The following AGBL2 variants were observed in gnomAD, a reference collection of about 807,000 sequenced individuals.
AGBL2 encodes AGBL carboxypeptidase 2, also known as cytosolic carboxypeptidase 2.
In AGBL2, 87 loss-of-function variants were observed where a neutral mutation model predicts 103.0. The observed-to-expected ratio is 0.84, with a 90% CI of 0.71 to 1.01. The LOEUF (loss-of-function observed/expected upper bound fraction) is 1.01. Ranked by LOEUF, AGBL2 falls within the 50% of genes least tolerant of loss-of-function variation. The pLI is 0.00. For missense variants in AGBL2, 904 were observed against 1,023.5 expected, an observed-to-expected ratio of 0.88 and a Z score of 1.59; for synonymous variants, 335 against 356.7, an observed-to-expected ratio of 0.94 and a Z score of 0.69.
chr11:47,708,269 A>C (rs11819816), intron 4 of AGBL2, among the ~76,000 whole-genome samples: 1 of 151,334 alleles, frequency 6.6e-6, no homozygotes, highest in African/African-American at 2.4e-5. Context: ...GGTTTCACCA[A>C]ATTGGCCAGG....
rs116568099 is a variant in AGBL2, at chr11:47,693,213, G to C, written c.695-957C>G. ...GGGTCTTGCTCTGTCACCCAGGCTG[G>C]AGCAGTTGCACAATCATATCTCATG... On this transcript the variant is annotated intron_variant, in intron 8 of 18. Transcript: ENST00000525123. 6.0e-3 allele frequency among the ~76,000 whole-genome samples: 908 copies of C among 151,972 alleles called. 10 individuals carry two copies. The highest frequency in any genetic ancestry group is 0.021 in the African/African-American group (879 of 41,426).
intron 18 of AGBL2, 91 bp downstream of exon 18, chr11:47,662,935 A>G: frequency 9.0e-7 from 1 of 1,107,542 alleles, no homozygotes; most frequent in Non-Finnish European, 1.3e-6. Flanking sequence ...TGGACTGTGC[A>G]TCACCGCCCT....
Position 47,690,589 on chromosome 11 carries a change from G to T in AGBL2, c.1118C>A (p.Pro373His), listed in dbSNP as rs1565054962. 6.2e-7 allele frequency: 1 copy of T among 1,614,096 alleles called. No homozygotes were observed. Reference sequence around the variant, plus strand: ...AATGGTCCACGTGAGACAGTAGAAGGGCTGCTGCCCATCATCCGTGTTGTT... The same window carrying T: ...AATGGTCCACGTGAGACAGTAGAAGTGCTGCTGCCCATCATCCGTGTTGTT... ...YKNNTDDGQQPFYCLTWTIQF... is the reference protein window; with the variant it reads ...YKNNTDDGQQHFYCLTWTIQF... The change falls in exon 10 of 19, where the codon CCC becomes CAC. Residue 373 changes from proline to histidine, a missense_variant. Pro to His is a moderately conservative substitution (Grantham distance 77). Transcript: ENST00000525123.
At chr11:47,662,006 C>T (rs2097329309) in intron 18 of AGBL2, among the ~76,000 whole-genome samples, 1 of 151,892 alleles carries the variant, frequency 6.6e-6, no homozygotes, top group African/African-American at 2.4e-5. Flanking sequence ...ACCTCGGCCT[C>T]CCAAAGTGCT....
chr11:47,704,103 G>GTAAA lies in AGBL2; in HGVS notation c.586+436_586+439dup, dbSNP rs562909790. Among the ~76,000 whole-genome samples the GTAAA allele has an allele frequency of 4.4e-4, 67 of 150,834 alleles. 1 individual carries two copies. Among genetic ancestry groups the GTAAA allele is most frequent in the South Asian group, 3.8e-3 (18 of 4,756 alleles). ...AGTGACAGAGTGAGACTCTGTCTCA[G>GTAAA]TAAATAAATAAATAAATAAATGTTG... On this transcript the variant is annotated intron_variant, in intron 7 of 18. Coordinates refer to ENST00000525123, the MANE Select transcript of AGBL2 (RefSeq NM_024783.4).
intron 9 of AGBL2, 110 bp downstream of exon 9, chr11:47,691,993 A>T: frequency 1.1e-6 from 1 of 919,050 alleles, no homozygotes; most frequent in Non-Finnish European, 1.6e-6. Flanking sequence ...ACCCATAACT[A>T]TTCCCCATCA....
chr11:47,712,691 G>A (rs1193314205), intron 3 of AGBL2, among the ~76,000 whole-genome samples: 1 of 152,016 alleles, frequency 6.6e-6, no homozygotes, highest in Non-Finnish European at 1.5e-5. Context: ...ATCACCTTAG[G>A]TCAGGAGTTC....
intron 10 of AGBL2, among the ~76,000 whole-genome samples, chr11:47,686,983 T>G (rs377220173): frequency 0.12 from 3,052 of 25,606 alleles, no homozygotes; most frequent in Non-Finnish European, 0.14. Flanking sequence ...AAAAAAATGG[T>G]GGGGGGAGGG....
intron 8 of AGBL2, among the ~76,000 whole-genome samples, chr11:47,698,966 CAAA>C (rs5791781): frequency 0.018 from 2,074 of 117,510 alleles, 43 homozygotes; most frequent in African/African-American, 0.055. Context: ...GTAGGAATGG[CAAA>C]AAAAAAAAAA....
At chr11:47,694,837 A>C (rs2097461038) in intron 8 of AGBL2, among the ~76,000 whole-genome samples, 1 of 152,158 alleles carries the variant, frequency 6.6e-6, no homozygotes, top group Non-Finnish European at 1.5e-5. Flanking sequence ...AATGGGGAAT[A>C]GTAAGTGGGC....
At position 47,692,004 on chromosome 11, in the gene AGBL2, C is replaced by T. The variant is rs2097449448; in HGVS notation, c.848+99G>A. 2.7e-6 allele frequency: 3 copies of T among 1,124,372 alleles called. No individual in the cohort carries two copies. The South Asian group carries it at 6.8e-5, about 26-fold the overall frequency. The allele number at this position is 1,124,372 out of a possible 1,614,324, so 69.6% of individuals were successfully genotyped here. A position where few individuals can be genotyped will look rare whatever the true frequency, so the allele number is the denominator to read the frequency against. ...TCATACCCATAACTATTCCCCATCA[C>T]CTCTTTCTTTTTTGCAAGTACTTCT... On this transcript the variant is annotated intron_variant, in intron 9 of 18. Transcript: ENST00000525123.
intron 14 of AGBL2, among the ~76,000 whole-genome samples, chr11:47,670,143 G>C (rs1360257487): frequency 6.6e-6 from 1 of 152,154 alleles, no homozygotes; most frequent in Non-Finnish European, 1.5e-5. Flanking sequence ...GAACAGCAGA[G>C]GACTGTCATT....
chr11:47,666,793 A>C, intron 17 of AGBL2, 163 bp downstream of exon 17: 1 of 676,694 alleles, frequency 1.5e-6, no homozygotes. Flanking sequence ...AATCCAAAGC[A>C]GTGTCAATGT....
At chr11:47,695,489 A>AAC (rs1554962753) in intron 8 of AGBL2, among the ~76,000 whole-genome samples, 1 of 142,068 alleles carries the variant, frequency 7.0e-6, no homozygotes, top group Non-Finnish European at 1.5e-5. Flanking sequence ...AAAAAAAAAA[A>AAC]AAAAAACAGT....
chr11:47,662,495 C>CT (rs11304684), intron 18 of AGBL2, among the ~76,000 whole-genome samples: 51 of 134,830 alleles, frequency 3.8e-4, no homozygotes, highest in East Asian at 4.5e-4. Flanking sequence ...TACTCGTTCA[C>CT]TTTTTTTTTT....
intron 4 of AGBL2, among the ~76,000 whole-genome samples, chr11:47,708,851 T>C (rs886355990): frequency 4.8e-5 from 7 of 145,152 alleles, no homozygotes; most frequent in African/African-American, 1.5e-4. Flanking sequence ...GCTGGGTGTG[T>C]TGGCTCGCAC....
chr11:47,711,589 A>T (rs1002756419), intron 3 of AGBL2, among the ~76,000 whole-genome samples: 1 of 152,226 alleles, frequency 6.6e-6, no homozygotes, highest in African/African-American at 2.4e-5. Flanking sequence ...TCTGGAGTGC[A>T]GTAGCGCAAT....
At chr11:47,714,239 T>TCC in intron 3 of AGBL2, 45 bp downstream of exon 3, 1 of 1,513,728 alleles carries the variant, frequency 6.6e-7, no homozygotes, top group Non-Finnish European at 9.2e-7. Flanking sequence ...GCAATTTTCC[T>TCC]CTTGAGTCCA....
intron 14 of AGBL2, among the ~76,000 whole-genome samples, chr11:47,675,199 C>CTTTTTTT (rs34012734): frequency 6.9e-5 from 4 of 58,202 alleles, no homozygotes; most frequent in Admixed American, 2.5e-4. Context: ...TCCCACCAGT[C>CTTTTTTT]TTTTTTTTTT....
Sources: allele counts gnomAD v4.1 joint callset (sites outside exome capture counted in the v4.1 genomes callset), GRCh38; gene constraint gnomAD v4.1.1; transcripts MANE v1.5; gene names NCBI Gene and HGNC (gene_info 2026-07-23, HGNC 2026-07-21).